SFXN5: variants seen among roughly 807,000 people sequenced by gnomAD.
SFXN5 encodes the protein sideroflexin 5.
SFXN5 carries 43 observed loss-of-function variants against 50.2 expected under a neutral mutation model. That is an observed-to-expected ratio of 0.86 (90% CI 0.67 to 1.11). SFXN5 has a LOEUF of 1.11. Among genes scored for constraint, SFXN5 ranks in the 50% least tolerant of loss-of-function variants. SFXN5 has a pLI of 0.00. For missense variants in SFXN5, 463 were observed against 454.1 expected, an observed-to-expected ratio of 1.02 and a Z score of -0.18; for synonymous variants, 203 against 185.8, an observed-to-expected ratio of 1.09 and a Z score of -0.75.
intron 9 of SFXN5, among the ~76,000 whole-genome samples, chr2:72,995,706 C>A (rs2105643233): frequency 6.6e-6 from 1 of 152,220 alleles, no homozygotes; most frequent in Non-Finnish European, 1.5e-5. Flanking sequence ...ACAGGCTTGC[C>A]CTGGGAGGGG....
At chr2:73,068,081 C>A (rs1683301342) in intron 1 of SFXN5, among the ~76,000 whole-genome samples, 1 of 152,202 alleles carries the variant, frequency 6.6e-6, no homozygotes, top group Non-Finnish European at 1.5e-5. Context: ...CCTCCACACC[C>A]TCCACCCTCT....
intron 3 of SFXN5, among the ~76,000 whole-genome samples, chr2:73,033,108 C>T (rs940639973): frequency 1.2e-4 from 19 of 152,178 alleles, no homozygotes; most frequent in Admixed American, 9.8e-4. Flanking sequence ...TAGGGCAATA[C>T]GCTTAATCTT....
At chr2:72,968,684 A>C in intron 11 of SFXN5, 151 bp from the exon 12 acceptor site, 1 of 536,928 alleles carries the variant, frequency 1.9e-6, no homozygotes, top group East Asian at 3.4e-5. Context: ...ATTCCAAACA[A>C]CAAAAAAAGC....
Position 72,968,540 on chromosome 2 carries a change from G to A in SFXN5, c.742-7C>T, listed in dbSNP as rs1466822472. 7 of 1,612,868 alleles carry A rather than the reference G, an allele frequency of 4.3e-6. No homozygotes were observed. The highest frequency in any genetic ancestry group is 5.9e-6 in the Non-Finnish European group (7 of 1,179,874). On this transcript the variant is annotated splice_polypyrimidine_tract_variant and splice_region_variant and intron_variant, in intron 11 of 13. Transcript: ENST00000272433. ...GCGCCGTCTCCAGCAGGGCCTGAGG[G>A]GCAGGCAGAAGCTGTGTGAGAGGGG...
chr2:72,946,559 G>A (rs940264439), intron 13 of SFXN5, among the ~76,000 whole-genome samples: 1 of 152,096 alleles, frequency 6.6e-6, no homozygotes, highest in Non-Finnish European at 1.5e-5. Flanking sequence ...CAGGTTCACA[G>A]CCGCCTGCCT....
At chr2:73,021,334 A>G (rs1472680106) in intron 5 of SFXN5, among the ~76,000 whole-genome samples, 1 of 152,106 alleles carries the variant, frequency 6.6e-6, no homozygotes, top group Non-Finnish European at 1.5e-5. Flanking sequence ...AAATACAAAA[A>G]TTAGCCAGGT....
intron 3 of SFXN5, among the ~76,000 whole-genome samples, chr2:73,036,896 C>T (rs1221673941): frequency 6.6e-6 from 1 of 152,204 alleles, no homozygotes; most frequent in African/African-American, 2.4e-5. Flanking sequence ...AAGAGGAGAT[C>T]GCAGCCTGCC....
At chr2:72,955,539 A>G (rs1162187704) in intron 13 of SFXN5, among the ~76,000 whole-genome samples, 1 of 152,240 alleles carries the variant, frequency 6.6e-6, no homozygotes, top group Non-Finnish European at 1.5e-5. Context: ...TGAAGCAGAA[A>G]CAGAGGCAGG....
intron 6 of SFXN5, among the ~76,000 whole-genome samples, chr2:73,017,670 A>G (rs1402260793): frequency 1.3e-5 from 2 of 152,246 alleles, no homozygotes; most frequent in Non-Finnish European, 2.9e-5. Context: ...GGGAGAAGGG[A>G]CATTCAAATA....
Position 72,961,374 on chromosome 2 carries a change from G to A in SFXN5, c.828-126C>T, listed in dbSNP as rs1366431907. 3.5e-5 allele frequency: 20 copies of A among 574,238 alleles called. No homozygotes were observed. Among genetic ancestry groups the A allele is most frequent in the African/African-American group, 2.0e-5 (1 of 51,188 alleles). The allele number at this position is 574,238 out of a possible 1,614,324, so 35.6% of individuals were successfully genotyped here. A position where few individuals can be genotyped will look rare whatever the true frequency, so the allele number is the denominator to read the frequency against. On this transcript the variant is annotated intron_variant, in intron 12 of 13. Transcript: ENST00000272433. This position sits in a 1 kb window ranked among gnomAD's most constrained non-coding sequence, Gnocchi z 4.4. ...CGTGGTTCCGGGGCAGTGCCAGTGT[G>A]CAGCTAAACAGATATAGCAGAGTTC...
chr2:72,947,666 G>T (rs758990656), intron 13 of SFXN5, among the ~76,000 whole-genome samples: 2 of 152,160 alleles, frequency 1.3e-5, no homozygotes, highest in African/African-American at 2.4e-5. Flanking sequence ...GACTAGAGCT[G>T]GTGGGCACAG....
At chr2:73,067,672 CATTG>C (rs1436958409) in intron 1 of SFXN5, among the ~76,000 whole-genome samples, 1 of 152,072 alleles carries the variant, frequency 6.6e-6, no homozygotes, top group Admixed American at 6.6e-5. Context: ...CAGAGTAATT[CATTG>C]ATTGGGTTGT....
chr2:73,004,525 G>A (rs542524170), intron 6 of SFXN5, among the ~76,000 whole-genome samples: 5 of 152,224 alleles, frequency 3.3e-5, no homozygotes, highest in East Asian at 3.9e-4. Context: ...AGTGTGTCCC[G>A]GCTATCTAAC....
rs115132421 is a variant in SFXN5 at position 72,960,229 on chromosome 2, C to A, written c.945+902G>T. On this transcript the variant is annotated intron_variant, in intron 13 of 13. Coordinates refer to ENST00000272433, the MANE Select transcript of SFXN5 (RefSeq NM_144579.3). The surrounding 1 kb of genome is among the most constrained non-coding windows in gnomAD (Gnocchi z 6.1). ...ACATCCCACAGGCTCCTCAACCCCG[C>A]GTGTCCATCCAACTGACCCACTGCC... Among the ~76,000 whole-genome samples, 1 of 152,116 alleles carries A rather than the reference C, an allele frequency of 6.6e-6. No individual in the cohort carries two copies. Among genetic ancestry groups the A allele is most frequent in the Non-Finnish European group, 1.5e-5 (1 of 68,020 alleles).
intron 1 of SFXN5, among the ~76,000 whole-genome samples, chr2:73,063,020 G>C (rs73945741): frequency 1.2e-4 from 19 of 152,278 alleles, no homozygotes; most frequent in African/African-American, 4.1e-4. Context: ...AAGGCTGACC[G>C]ACTGTGGGGA....
chr2:73,004,551 A>G (rs1383990934), intron 6 of SFXN5, among the ~76,000 whole-genome samples: 2 of 152,104 alleles, frequency 1.3e-5, no homozygotes, highest in Non-Finnish European at 2.9e-5. Flanking sequence ...CGGAGGTAGG[A>G]GTGAGCCGAG....
intron 10 of SFXN5, chr2:72,981,009 G>A (rs926647277): frequency 6.6e-6 from 1 of 152,162 alleles, no homozygotes; most frequent in Non-Finnish European, 1.5e-5. Context: ...GAGCACCTAC[G>A]GTATGCCAGA....
At chr2:73,046,595 C>A (rs923749392) in intron 2 of SFXN5, among the ~76,000 whole-genome samples, 1 of 151,910 alleles carries the variant, frequency 6.6e-6, no homozygotes, top group African/African-American at 2.4e-5. Flanking sequence ...GGGAGGATCT[C>A]GAGCCTGGGA....
intron 9 of SFXN5, chr2:72,998,532 G>A (rs1257670205): frequency 5.5e-6 from 1 of 181,960 alleles, no homozygotes; most frequent in Admixed American, 5.6e-5. Flanking sequence ...GAAAAGCAGT[G>A]CCCCGGCAGC....
Sources: gnomAD v4.1 joint callset for allele counts (sites outside exome capture counted in the v4.1 genomes callset) on GRCh38, gnomAD v4.1.1 for gene constraint, Gnocchi (gnomAD v3.1) non-coding constraint, MANE v1.5 for transcripts, NCBI Gene and HGNC (gene_info 2026-07-23, HGNC 2026-07-21) for gene names.